TEKT3: variants seen among roughly 807,000 people sequenced by gnomAD.
TEKT3 encodes the protein tektin 3.
TEKT3 carries 49 observed loss-of-function variants against 49.8 expected under a neutral mutation model. That is an observed-to-expected ratio of 0.98 (90% CI 0.78 to 1.25). TEKT3 has a LOEUF of 1.25. TEKT3 is among the 50% of genes most tolerant of loss of function. The pLI is 0.00. For synonymous variants in TEKT3, 225 were observed against 237.2 expected (o/e 0.95, Z 0.47); for missense variants, 595 against 629.5 (o/e 0.95, Z 0.59).
At chr17:15,305,823 C>T (rs1030616567) in intron 8 of TEKT3, among the ~76,000 whole-genome samples, 3 of 151,516 alleles carry the variant, frequency 2.0e-5, no homozygotes, top group Admixed American at 2.0e-4. Context: ...AGAACGTAGG[C>T]AGTTAGAATA....
upstream of TEKT3, among the ~76,000 whole-genome samples, chr17:15,343,120 T>A (rs151189761): frequency 7.4e-3 from 1,132 of 152,362 alleles, 16 homozygotes; most frequent in African/African-American, 0.026. Context: ...TCTTTAAAGA[T>A]GATGAGCAGT....
chr17:15,320,196 C>G (rs985127433), intron 4 of TEKT3, among the ~76,000 whole-genome samples: 1 of 152,182 alleles, frequency 6.6e-6, no homozygotes, highest in African/African-American at 2.4e-5. Flanking sequence ...ACCACCCCAC[C>G]AAAAGCAGCA....
At position 15,331,503 on chromosome 17, in the gene TEKT3, G is replaced by C; in HGVS notation, c.83C>G (p.Thr28Ser). 1 of 1,614,108 alleles carries C rather than the reference G, an allele frequency of 6.2e-7. No individual in the cohort carries two copies. Among genetic ancestry groups the C allele is most frequent in the Non-Finnish European group, 8.5e-7 (1 of 1,180,016 alleles). ...TPTNFLPAIS[T>S]MASSYRDRFP... ...GCGGTCCCTGTAGCTTGAGGCCATGGTACTGATGGCTGGTAGAAAGTTGGT... is the reference window on the plus strand; with the variant it reads ...GCGGTCCCTGTAGCTTGAGGCCATGCTACTGATGGCTGGTAGAAAGTTGGT... The change falls in exon 3 of 9, where the codon ACC (threonine) becomes AGC (serine). Residue 28 changes from threonine to serine, a missense_variant. By Grantham distance (58) the Thr-to-Ser change is moderately conservative (BLOSUM62 1). Transcript: ENST00000395930.
intron 4 of TEKT3, 73 bp downstream of exon 4, chr17:15,327,919 T>C: frequency 7.7e-7 from 1 of 1,291,876 alleles, no homozygotes; most frequent in South Asian, 1.2e-5. Context: ...GTAACATCCT[T>C]TTTTGCTTCT....
At chr17:15,326,268 G>C (rs1292270519) in intron 4 of TEKT3, among the ~76,000 whole-genome samples, 2 of 152,172 alleles carry the variant, frequency 1.3e-5, no homozygotes, top group East Asian at 3.8e-4. Context: ...ATTAAAAAGA[G>C]GCGAAGAGGT....
chr17:15,327,500 G>A (rs945066161), intron 4 of TEKT3, among the ~76,000 whole-genome samples: 2 of 149,878 alleles, frequency 1.3e-5, no homozygotes, highest in Non-Finnish European at 3.0e-5. Flanking sequence ...TGGGCGATAA[G>A]AGCAAGACTC....
chr17:15,323,774 C>T (rs2150744785), intron 4 of TEKT3, among the ~76,000 whole-genome samples: 1 of 152,272 alleles, frequency 6.6e-6, no homozygotes, highest in Admixed American at 6.5e-5. Flanking sequence ...ACCGAAGCTC[C>T]TCCCTCAATT....
At position 15,331,313 on chromosome 17, in the gene TEKT3, G is replaced by T. The variant is rs533535097; in HGVS notation, c.273C>A (p.Phe91Leu). Residue 91 changes from phenylalanine to leucine, a missense_variant, in exon 3 of 9, where the codon TTC becomes TTA. Phe to Leu is a conservative substitution (Grantham distance 22, BLOSUM62 0). Coordinates refer to ENST00000395930, the MANE Select transcript of TEKT3 (RefSeq NM_031898.3). ...LPFVSNRTTFFTRYTPDDWYR... is the reference protein window; with the variant it reads ...LPFVSNRTTFLTRYTPDDWYR... ...ACCAGTCATCCGGTGTGTATCTTGT[G>T]AAGAAAGTGGTTCTGTTGGAAACAA... 2 of 1,614,112 alleles carry T rather than the reference G, an allele frequency of 1.2e-6. No homozygotes were observed. The highest frequency in any genetic ancestry group is 2.7e-5 in the African/African-American group (2 of 74,918).
Position 15,331,286 on chromosome 17 carries a change from G to A in TEKT3, c.300C>T (p.Tyr100=), listed in dbSNP as rs1214144605. 2 of 1,614,222 alleles carry A rather than the reference G, an allele frequency of 1.2e-6. No individual in the cohort carries two copies. Among genetic ancestry groups the A allele is most frequent in the African/African-American group, 1.3e-5 (1 of 75,060 alleles). Residue 100 remains tyrosine (Y), a synonymous_variant, in exon 3 of 9, where the codon TAC becomes TAT. Coordinates refer to ENST00000395930, the MANE Select transcript of TEKT3 (RefSeq NM_031898.3). ...CTTGATAGTTGGTTAAATTGGACCTGTACCAGTCATCCGGTGTGTATCTTG... is the reference window on the plus strand; with the variant it reads ...CTTGATAGTTGGTTAAATTGGACCTATACCAGTCATCCGGTGTGTATCTTG... ...FFTRYTPDDW[Y]RSNLTNYQES... is the part of the protein sequence containing the mutation.
At chr17:15,337,552 T>C (rs1001478627) in intron 2 of TEKT3, among the ~76,000 whole-genome samples, 3 of 152,056 alleles carry the variant, frequency 2.0e-5, no homozygotes, top group African/African-American at 4.8e-5. Context: ...AAGTTAAAAA[T>C]AAAAATATGG....
At chr17:15,341,826 T>G (rs1287291076), upstream of TEKT3, among the ~76,000 whole-genome samples, 1 of 152,188 alleles carries the variant, frequency 6.6e-6, no homozygotes. Context: ...CTCCTTGGTT[T>G]GGGAGGTGAA....
At chr17:15,305,071 CT>C (rs1200482679) in intron 8 of TEKT3, among the ~76,000 whole-genome samples, 1 of 152,212 alleles carries the variant, frequency 6.6e-6, no homozygotes, top group Non-Finnish European at 1.5e-5. Context: ...TGAAGACCAA[CT>C]TTCATGCCCT....
intron 2 of TEKT3, among the ~76,000 whole-genome samples, chr17:15,334,996 G>C (rs1429187634): frequency 1.3e-5 from 2 of 151,808 alleles, no homozygotes; most frequent in Non-Finnish European, 2.9e-5. Flanking sequence ...CAAAATATAT[G>C]AAACAACTGC....
chr17:15,313,941 A>T (rs1910880216), intron 6 of TEKT3, 146 bp downstream of exon 6: 2 of 1,057,554 alleles, frequency 1.9e-6, no homozygotes, highest in Non-Finnish European at 1.4e-6. Context: ...GTGCTTGCTT[A>T]CTGGAGACTT....
chr17:15,336,125 CAT>C (rs974821627), intron 2 of TEKT3, among the ~76,000 whole-genome samples: 1 of 147,292 alleles, frequency 6.8e-6, no homozygotes, highest in Admixed American at 6.9e-5. Context: ...CACACACACA[CAT>C]ACGTGCACAC....
In TEKT3 at chr17:15,331,018, C is replaced by T; in HGVS notation, c.568G>A (p.Ala190Thr). 4 of 1,610,196 alleles carry T rather than the reference C, an allele frequency of 2.5e-6. No homozygotes were observed. The highest frequency in any genetic ancestry group is 3.4e-6 in the Non-Finnish European group (4 of 1,178,038). ...RLERALMETE[A>T]PLQVARECLF... ...TCATAAGGTCTTACCTGAAGAGGGG[C>T]TTCAGTCTCCATCAAAGCCCGCTCC... Residue 190 changes from alanine (A) to threonine (T), a missense_variant, in exon 3 of 9, where the codon GCC becomes ACC. Physicochemically the swap from Ala to Thr is moderately conservative, Grantham distance 58. Transcript: ENST00000395930.
intron 5 of TEKT3, among the ~76,000 whole-genome samples, chr17:15,315,417 C>A (rs1232717509): frequency 1.3e-5 from 2 of 152,244 alleles, no homozygotes; most frequent in East Asian, 3.9e-4. Flanking sequence ...TGAGAACAGA[C>A]TGCCGGGGGC....
rs534132100 is a variant in TEKT3 at position 15,331,040 on chromosome 17, C to A, written c.546G>T (p.Glu182Asp). 9.9e-5 allele frequency: 159 copies of A among 1,613,708 alleles called. No homozygotes were observed. The East Asian group carries it at 3.4e-3, about 34-fold the overall frequency. The change falls in exon 3 of 9, where the codon GAG becomes GAT. Residue 182 changes from glutamate to aspartate, a missense_variant. Coordinates refer to ENST00000395930, the MANE Select transcript of TEKT3 (RefSeq NM_031898.3). ...GGGCTTCAGTCTCCATCAAAGCCCG[C>A]TCCAGTCTTTTCTTCACATCAGTAA... Reference protein sequence around the residue: ...NALTDVKKRLERALMETEAPL... With the variant: ...NALTDVKKRLDRALMETEAPL...
rs878936872 is a variant in TEKT3 at position 15,304,290 on chromosome 17, G to T, written c.1257-138C>A. ...ATTTATCAGCAAATGAGAGGTGCAT[G>T]AAATTAATAAAATATAAAGAAATAT... On this transcript the variant is annotated intron_variant, in intron 8 of 8. Transcript: ENST00000395930. This position sits in a 1 kb window ranked among gnomAD's most constrained non-coding sequence, Gnocchi z 4.7. 5.2e-6 allele frequency: 4 copies of T among 764,200 alleles called. No individual in the cohort carries two copies. In the South Asian group the frequency reaches 5.7e-5, roughly 11 times the overall value. The allele number at this position is 764,200 out of a possible 1,614,324, so 47.3% of individuals were successfully genotyped here.
Sources: allele counts gnomAD v4.1 joint callset (sites outside exome capture counted in the v4.1 genomes callset), GRCh38; gene constraint gnomAD v4.1.1; non-coding constraint Gnocchi (gnomAD v3.1); transcripts MANE v1.5; gene names NCBI Gene and HGNC (gene_info 2026-07-23, HGNC 2026-07-21).